The following ADCY9 variants were observed in gnomAD, a reference collection of about 807,000 sequenced individuals.
The protein encoded by ADCY9 is adenylate cyclase 9.
A neutral mutation model predicts 101.5 loss-of-function variants in ADCY9; 50 were observed. The observed-to-expected ratio is 0.49, with a 90% CI of 0.39 to 0.62. The LOEUF (loss-of-function observed/expected upper bound fraction) is 0.62. ADCY9 is among the 20% of genes least tolerant of loss of function. The pLI is 0.00. For synonymous variants in ADCY9, 905 were observed against 769.3 expected (o/e 1.18, Z -2.92); for missense variants, 1,662 against 1,800.4 (o/e 0.92, Z 1.39).
chr16:3,965,707 A>G lies in ADCY9; in HGVS notation c.*68T>C, dbSNP rs2055984346. ...GGCAACTGTGGCGCTTGGAAAGCACAACAGCCAAATACAAATATTACTGTG... is the reference window on the plus strand; with the variant it reads ...GGCAACTGTGGCGCTTGGAAAGCACGACAGCCAAATACAAATATTACTGTG... On this transcript the variant is annotated 3_prime_UTR_variant, in exon 11 of 11. Coordinates refer to ENST00000294016, the MANE Select transcript of ADCY9 (RefSeq NM_001116.4). 6.8e-7 allele frequency: 1 copy of G among 1,471,404 alleles called. No homozygotes were observed. The highest frequency in any genetic ancestry group is 1.4e-5 in the African/African-American group (1 of 71,678). 91.1% of individuals were successfully genotyped at this position (1,471,404 alleles called of 1,614,324 possible). A position where few individuals can be genotyped will look rare whatever the true frequency, so the allele number is the denominator to read the frequency against.
At chr16:4,099,224 C>A (rs777521037) in intron 2 of ADCY9, among the ~76,000 whole-genome samples, 2 of 152,124 alleles carry the variant, frequency 1.3e-5, no homozygotes, top group East Asian at 3.8e-4. Context: ...TGAACCACCA[C>A]GCCCGGCCTT....
intron 6 of ADCY9, among the ~76,000 whole-genome samples, chr16:3,987,020 G>A (rs933854203): frequency 6.6e-6 from 1 of 152,204 alleles, no homozygotes; most frequent in Non-Finnish European, 1.5e-5. Flanking sequence ...CCCCGGATGC[G>A]CCTGCAACTC....
At chr16:4,081,693 G>A (rs1457335099) in intron 2 of ADCY9, among the ~76,000 whole-genome samples, 1 of 151,538 alleles carries the variant, frequency 6.6e-6, no homozygotes, top group Admixed American at 6.6e-5. Flanking sequence ...AGCCCCCAGG[G>A]TGCAGGAGGG....
Position 3,989,002 on chromosome 16 carries a change from G to T in ADCY9, c.2302C>A (p.Gln768Lys). The T allele has an allele frequency of 6.2e-7, 1 of 1,612,234 alleles. No individual in the cohort carries two copies. Among genetic ancestry groups the T allele is most frequent in the Non-Finnish European group, 8.5e-7 (1 of 1,178,314 alleles). The stretch of plus-strand genomic sequence containing the variant: ...AGGAGAAATGAACGCACCTCTTCCT[G>T]ATAGCTGGTCCTGTAGGATCGCTCC... ...ELERSYRTSYQEEVIKNSPVK... is the reference protein window; with the variant it reads ...ELERSYRTSYKEEVIKNSPVK... The change falls in exon 6 of 11, where the codon CAG becomes AAG. Residue 768 changes from glutamine to lysine, a missense_variant. Gln to Lys is a moderately conservative substitution (Grantham distance 53, BLOSUM62 1). Transcript: ENST00000294016.
At chr16:4,065,409 G>C (rs942657484) in intron 2 of ADCY9, among the ~76,000 whole-genome samples, 1 of 152,056 alleles carries the variant, frequency 6.6e-6, no homozygotes, top group African/African-American at 2.4e-5. Context: ...TTCCCTAATG[G>C]AATAATACTT....
chr16:3,999,196 C>G (rs2056313198), intron 3 of ADCY9, among the ~76,000 whole-genome samples: 1 of 152,140 alleles, frequency 6.6e-6, no homozygotes, highest in South Asian at 2.1e-4. Context: ...GGAGACAACC[C>G]TAGCAGCTGG....
At chr16:4,039,561 C>T (rs544804622) in intron 2 of ADCY9, among the ~76,000 whole-genome samples, 2 of 151,770 alleles carry the variant, frequency 1.3e-5, no homozygotes, top group East Asian at 3.9e-4. Flanking sequence ...TATCTGTAAT[C>T]TCAACTACTC....
rs1473785144 is a variant in ADCY9, at chr16:3,992,226, C to T, written c.2127G>A (p.Gln709=). ...TGAACCTCAGCGGAAGGAGAGCCGA[C>T]TGGTCCAGGCTCACCCCTGCCCACC... is the stretch of plus-strand genomic sequence containing the variant. ...KGRWAGVSLD[Q]SALLPLRFKN... is the part of the protein sequence containing the mutation. Residue 709 remains glutamine, a synonymous_variant, in exon 5 of 11, where the codon CAG becomes CAA. Coordinates refer to ENST00000294016, the MANE Select transcript of ADCY9 (RefSeq NM_001116.4). This position sits in a 1 kb window ranked among gnomAD's most constrained non-coding sequence, Gnocchi z 4.2. 5.0e-6 allele frequency: 8 copies of T among 1,614,220 alleles called. No individual in the cohort carries two copies. The highest frequency in any genetic ancestry group is 6.8e-6 in the Non-Finnish European group (8 of 1,180,042).
chr16:3,995,298 T>C (rs552742654), intron 3 of ADCY9, among the ~76,000 whole-genome samples: 1 of 152,154 alleles, frequency 6.6e-6, no homozygotes, highest in South Asian at 2.1e-4. Context: ...CCTGGTGGCA[T>C]GTGCCTGTAG....
At chr16:4,006,358 G>C (rs963444224) in intron 3 of ADCY9, among the ~76,000 whole-genome samples, 1 of 152,224 alleles carries the variant, frequency 6.6e-6, no homozygotes, top group Non-Finnish European at 1.5e-5. Flanking sequence ...CGATCCACGA[G>C]CGGAGTTGAC....
intron 2 of ADCY9, among the ~76,000 whole-genome samples, chr16:4,052,253 C>T (rs2056706366): frequency 6.6e-6 from 1 of 152,202 alleles, no homozygotes; most frequent in African/African-American, 2.4e-5. Flanking sequence ...GACTCGAGAG[C>T]CATTGACACA....
chr16:3,986,223 C>T (rs936332450), intron 6 of ADCY9, among the ~76,000 whole-genome samples: 5 of 152,216 alleles, frequency 3.3e-5, no homozygotes, highest in African/African-American at 7.2e-5. Flanking sequence ...ACCTTGTGGG[C>T]GGTGGGATGC....
At chr16:4,104,314 T>A (rs2057062370) in intron 2 of ADCY9, among the ~76,000 whole-genome samples, 1 of 152,166 alleles carries the variant, frequency 6.6e-6, no homozygotes, top group South Asian at 2.1e-4. Flanking sequence ...AGACCAATAT[T>A]TTCCAAATGA....
chr16:4,099,810 G>C (rs530457740), intron 2 of ADCY9, among the ~76,000 whole-genome samples: 1 of 152,198 alleles, frequency 6.6e-6, no homozygotes, highest in African/African-American at 2.4e-5. Context: ...CCAACACTTC[G>C]GGAGGCCAAG....
intron 10 of ADCY9, among the ~76,000 whole-genome samples, chr16:3,968,636 C>G (rs1193706158): frequency 6.6e-6 from 1 of 152,144 alleles, no homozygotes; most frequent in Non-Finnish European, 1.5e-5. Context: ...TGTTCCAGCA[C>G]TCGGAAATTC....
At chr16:4,007,754 A>T (rs540259443) in intron 2 of ADCY9, among the ~76,000 whole-genome samples, 196 bp from the exon 3 acceptor site, 58 of 152,182 alleles carry the variant, frequency 3.8e-4, no homozygotes, top group Admixed American at 9.2e-4. Flanking sequence ...TGGGCCCCCG[A>T]GACACACCAC....
At chr16:3,974,542 C>T in intron 10 of ADCY9, 127 bp downstream of exon 10, 3 of 696,524 alleles carry the variant, frequency 4.3e-6, no homozygotes, top group Non-Finnish European at 7.4e-6. Flanking sequence ...TTTCCACTTT[C>T]TATTCTAAGA....
In ADCY9 at chr16:4,110,376, C is replaced by CTTTTTTTTTTTTTTTTT. The variant is rs1170090126; in HGVS notation, c.1693+3357_1693+3373dup. On this transcript the variant is annotated intron_variant, in intron 2 of 10. Coordinates refer to ENST00000294016, the MANE Select transcript of ADCY9 (RefSeq NM_001116.4). The stretch of plus-strand genomic sequence containing the variant: ...AGTTTTGCAATCATACTTATACCTA[C>CTTTTTTTTTTTTTTTTT]TTTTTTTTTTTTTTTTTTTTTTTTT... 9.0e-5 allele frequency among the ~76,000 whole-genome samples: 10 copies of CTTTTTTTTTTTTTTTTT among 110,742 alleles called. 4 individuals are homozygous for CTTTTTTTTTTTTTTTTT. Among genetic ancestry groups the CTTTTTTTTTTTTTTTTT allele is most frequent in the South Asian group, 5.7e-4 (2 of 3,516 alleles). 72.7% of individuals were successfully genotyped at this position (110,742 alleles called of 152,430 possible).
intron 2 of ADCY9, among the ~76,000 whole-genome samples, chr16:4,107,303 C>G (rs1457183509): frequency 2.6e-5 from 4 of 152,156 alleles, no homozygotes; most frequent in Admixed American, 2.0e-4. Flanking sequence ...GTAATCCCAG[C>G]CCTTTGGGAG....
Sources: gnomAD v4.1 joint callset for allele counts (sites outside exome capture counted in the v4.1 genomes callset) on GRCh38, gnomAD v4.1.1 for gene constraint, Gnocchi (gnomAD v3.1) non-coding constraint, MANE v1.5 for transcripts, NCBI Gene and HGNC (gene_info 2026-07-23, HGNC 2026-07-21) for gene names.